The following TFB1M variants were observed in gnomAD, a reference collection of about 807,000 sequenced individuals.
The protein encoded by TFB1M is transcription factor B1, mitochondrial.
TFB1M carries 27 observed loss-of-function variants against 31.1 expected under a neutral mutation model. The observed-to-expected ratio is 0.87, with a 90% CI of 0.64 to 1.20. The LOEUF (loss-of-function observed/expected upper bound fraction) is 1.20. Ranked by LOEUF, TFB1M falls within the 50% of genes most tolerant of loss-of-function variation. The probability of loss-of-function intolerance (pLI) is 0.00; values close to 1 mark genes in which losing one functional copy is unlikely to be tolerated. For synonymous variants in TFB1M, 166 were observed against 151.8 expected, an observed-to-expected ratio of 1.09 and a Z score of -0.69; for missense variants, 394 against 418.7, an observed-to-expected ratio of 0.94 and a Z score of 0.51.
chr6:155,248,008 G>T, the TFB1M span: 1 of 1,614,020 alleles, frequency 6.2e-7, no homozygotes, highest in Non-Finnish European at 8.5e-7. Context: ...AGCTAAAACT[G>T]ACAAAGCCTT....
intron 5 of TFB1M, among the ~76,000 whole-genome samples, chr6:155,281,904 A>G (rs534481353): frequency 6.6e-6 from 1 of 152,196 alleles, no homozygotes; most frequent in East Asian, 1.9e-4. Flanking sequence ...AGCTGAAAAA[A>G]AAGATTAAGC....
chr6:155,257,739 T>G lies in TFB1M; in HGVS notation c.*97A>C, dbSNP rs140470506. ...ATAAGTCACATCTGGTCATTGGCAT[T>G]TGTATCGTCATTCTGTAAAGACAAA... On this transcript the variant is annotated 3_prime_UTR_variant, in exon 7 of 7. Transcript: ENST00000367166. The G allele has an allele frequency of 6.8e-6, 10 of 1,461,822 alleles. No individual in the cohort carries two copies. In the East Asian group the frequency reaches 1.8e-4, roughly 27 times the overall value. 90.6% of individuals were successfully genotyped at this position (1,461,822 alleles called of 1,614,324 possible).
At chr6:155,231,412 T>C in the TFB1M span, among the ~76,000 whole-genome samples, 8 of 152,248 alleles carry the variant, frequency 5.3e-5, no homozygotes, top group Non-Finnish European at 8.8e-5. Context: ...TATAAAAATT[T>C]CATACAATTT....
the TFB1M span, among the ~76,000 whole-genome samples, chr6:155,248,504 G>A: frequency 2.0e-5 from 3 of 152,056 alleles, no homozygotes; most frequent in African/African-American, 7.2e-5. Context: ...AAACAGTGCC[G>A]CTGGAACTGA....
At chr6:155,295,795 T>C (rs1052739061) in intron 4 of TFB1M, among the ~76,000 whole-genome samples, 2 of 152,186 alleles carry the variant, frequency 1.3e-5, no homozygotes, top group African/African-American at 4.8e-5. Context: ...AATAATACAG[T>C]GTAACAACTA....
the TFB1M span, among the ~76,000 whole-genome samples, chr6:155,242,294 ACAC>A: frequency 6.6e-6 from 1 of 152,240 alleles, no homozygotes; most frequent in Non-Finnish European, 1.5e-5. Flanking sequence ...ATTCACACAC[ACAC>A]CACCGTTTCT....
chr6:155,240,125 G>T, the TFB1M span, among the ~76,000 whole-genome samples: 1 of 152,228 alleles, frequency 6.6e-6, no homozygotes, highest in Non-Finnish European at 1.5e-5. Context: ...AACTGGATTA[G>T]GCCAACCATT....
chr6:155,260,562 G>T, intron 5 of TFB1M, 162 bp from the exon 6 acceptor site: 1 of 861,338 alleles, frequency 1.2e-6, no homozygotes, highest in Non-Finnish European at 1.9e-6. Flanking sequence ...ATGGAAGATG[G>T]TACATTCTGG....
chr6:155,250,544 G>A, the TFB1M span: 90 of 1,535,778 alleles, frequency 5.9e-5, no homozygotes, highest in Admixed American at 9.8e-5. Flanking sequence ...TCAGCAGCCC[G>A]AATGGAGCTC....
intron 5 of TFB1M, among the ~76,000 whole-genome samples, chr6:155,262,053 T>C (rs1784415747): frequency 6.6e-6 from 1 of 152,196 alleles, no homozygotes; most frequent in African/African-American, 2.4e-5. Context: ...CCTTAGACTT[T>C]AACAAAACGC....
chr6:155,255,975 A>G (rs931831429), downstream of TFB1M: 8 of 181,420 alleles, frequency 4.4e-5, no homozygotes, highest in African/African-American at 2.2e-4. Flanking sequence ...ACACCACTGC[A>G]CTCCAGCCTG....
chr6:155,294,220 T>G (rs902483567), intron 4 of TFB1M, among the ~76,000 whole-genome samples: 1 of 152,168 alleles, frequency 6.6e-6, no homozygotes, highest in African/African-American at 2.4e-5. Context: ...ACTATAGATA[T>G]AAATGTGAAA....
the TFB1M span, chr6:155,250,526 C>G: frequency 1.6e-5 from 24 of 1,535,210 alleles, no homozygotes; most frequent in Non-Finnish European, 2.1e-5. Context: ...AATGCTGGTG[C>G]TCTTTTATCA....
At chr6:155,290,647 C>A (rs1422389186) in intron 4 of TFB1M, among the ~76,000 whole-genome samples, 3 of 152,274 alleles carry the variant, frequency 2.0e-5, no homozygotes, top group African/African-American at 4.8e-5. Flanking sequence ...ATAACCACAA[C>A]TGACATGCTG....
At chr6:155,297,484 G>C (rs1777229807) in intron 3 of TFB1M, among the ~76,000 whole-genome samples, 1 of 152,156 alleles carries the variant, frequency 6.6e-6, no homozygotes, top group African/African-American at 2.4e-5. Flanking sequence ...GGGGGTACAG[G>C]CAGCATATAA....
downstream of TFB1M, among the ~76,000 whole-genome samples, chr6:155,251,753 A>G (rs1297163902): frequency 6.6e-6 from 1 of 152,270 alleles, no homozygotes. Context: ...TAGCTTTTAA[A>G]TAAGCAGGTG....
chr6:155,245,864 A>G, the TFB1M span: 2 of 528,872 alleles, frequency 3.8e-6, no homozygotes, highest in Non-Finnish European at 6.3e-6. Context: ...TGACCTTGAC[A>G]GTGGCAAATA....
intron 5 of TFB1M, 50 bp downstream of exon 5, chr6:155,285,108 G>A: frequency 6.2e-7 from 1 of 1,610,074 alleles, no homozygotes; most frequent in Non-Finnish European, 8.5e-7. Flanking sequence ...ATCCTCAGGG[G>A]AACAAACGTC....
chr6:155,254,235 C>T, downstream of TFB1M: 1 of 1,010,866 alleles, frequency 9.9e-7, no homozygotes, highest in Non-Finnish European at 1.4e-6. Context: ...AAATAAATAT[C>T]AAAATCTTAA....
Sources: allele counts gnomAD v4.1 joint callset (sites outside exome capture counted in the v4.1 genomes callset), GRCh38; gene constraint gnomAD v4.1.1; transcripts MANE v1.5; gene names NCBI Gene and HGNC (gene_info 2026-07-23, HGNC 2026-07-21).